FBXO6: variants seen among roughly 807,000 people sequenced by gnomAD.
FBXO6 encodes F-box only protein 6.
A neutral mutation model predicts 25.0 loss-of-function variants in FBXO6; 13 were observed. The ratio of observed to expected loss-of-function variants is 0.52; its 90% CI spans 0.34 to 0.83. The LOEUF (loss-of-function observed/expected upper bound fraction) is 0.83, where lower values mean the gene tolerates loss of function less well. Among genes scored for constraint, FBXO6 ranks in the 40% least tolerant of loss-of-function variants. The pLI is 0.02. For synonymous variants in FBXO6, 138 were observed against 155.3 expected (o/e 0.89, Z 0.83); for missense variants, 370 against 380.2 (o/e 0.97, Z 0.22).
At position 11,671,918 on chromosome 1, in the gene FBXO6, T is replaced by G; in HGVS notation, c.414-10T>G. ...ACCCAGGTATGCAAGCCCCCAACTC[T>G]GCTCCCCAGAATGTGCCTCAAGTCC... On this transcript the variant is annotated splice_polypyrimidine_tract_variant and intron_variant, in intron 3 of 5. Transcript: ENST00000376753. The G allele has an allele frequency of 1.9e-6, 3 of 1,613,388 alleles. No individual in the cohort carries two copies. Among genetic ancestry groups the G allele is most frequent in the Non-Finnish European group, 2.5e-6 (3 of 1,179,334 alleles).
chr1:11,671,478 AG>A, intron 3 of FBXO6, 86 bp downstream of exon 3: 4 of 1,558,626 alleles, frequency 2.6e-6, no homozygotes, highest in East Asian at 4.6e-5. Flanking sequence ...AGTCTTCCTA[AG>A]GGAAGTCCTC....
At chr1:11,669,497 T>G (rs1640544964) in intron 2 of FBXO6, among the ~76,000 whole-genome samples, 1 of 148,270 alleles carries the variant, frequency 6.7e-6, no homozygotes, top group African/African-American at 2.5e-5. Flanking sequence ...TTTTTCAGAA[T>G]TTCCTTATTT....
At chr1:11,669,075 T>C in intron 2 of FBXO6, 131 bp downstream of exon 2, 1 of 1,232,412 alleles carries the variant, frequency 8.1e-7, no homozygotes, top group Non-Finnish European at 1.1e-6. Context: ...CCTTGGTTCC[T>C]TCTCATTCTT....
intron 2 of FBXO6, among the ~76,000 whole-genome samples, chr1:11,669,779 G>A (rs761353276): frequency 6.8e-6 from 1 of 147,144 alleles, no homozygotes; most frequent in East Asian, 2.1e-4. Context: ...TGGGATTACA[G>A]GCGCCCACCA....
intron 2 of FBXO6, 105 bp downstream of exon 2, chr1:11,669,049 A>C: frequency 2.2e-6 from 3 of 1,369,584 alleles, no homozygotes; most frequent in Non-Finnish European, 3.0e-6. Context: ...TCTAACCCTA[A>C]ACACCCACCT....
intron 1 of FBXO6, among the ~76,000 whole-genome samples, chr1:11,667,949 G>A (rs7417966): frequency 3.0e-3 from 459 of 152,192 alleles, no homozygotes; most frequent in African/African-American, 0.011. Flanking sequence ...AAAATTAGCT[G>A]GGTATGGTGG....
rs754420841 is a variant in FBXO6, at chr1:11,668,802, C to T, written c.144C>T (p.Ile48=). The change falls in exon 2 of 6, where the codon ATC becomes ATT. Residue 48 remains isoleucine, a synonymous_variant. Coordinates refer to ENST00000376753, the MANE Select transcript of FBXO6 (RefSeq NM_018438.6). ...TCTGCAGCCTCTGGCGGGACCTCAT[C>T]GACCTCATGACCCTCTGGAAACGCA... ...RLVCSLWRDL[I]DLMTLWKRKC... The T allele has an allele frequency of 1.9e-5, 31 of 1,614,028 alleles. No individual in the cohort carries two copies. The highest frequency in any genetic ancestry group is 2.4e-5 in the Non-Finnish European group (28 of 1,180,046).
In FBXO6 at chr1:11,674,026, C is replaced by T. The variant is rs987588651; in HGVS notation, c.*175C>T. ...TTTGTTGTAATAAATGTTTTCAGGC[C>T]GGGCACTGTGGCTCACGCCTGTAAT... is the stretch of plus-strand genomic sequence containing the variant. On this transcript the variant is annotated 3_prime_UTR_variant, in exon 6 of 6. Transcript: ENST00000376753. This position sits in a 1 kb window ranked among gnomAD's most constrained non-coding sequence, Gnocchi z 6.1. 1.4e-5 allele frequency: 9 copies of T among 622,644 alleles called. No individual in the cohort carries two copies. The highest frequency in any genetic ancestry group is 3.8e-5 in the South Asian group (2 of 52,748). 38.6% of individuals were successfully genotyped at this position (622,644 alleles called of 1,614,324 possible). A position where few individuals can be genotyped will look rare whatever the true frequency, so the allele number is the denominator to read the frequency against.
chr1:11,668,811 G>A lies in FBXO6; in HGVS notation c.153G>A (p.Met51Ile), dbSNP rs1557672103. ...CSLWRDLIDL[M>I]TLWKRKCLRE... ...TCTGGCGGGACCTCATCGACCTCATGACCCTCTGGAAACGCAAGTGCCTGC... is the reference window on the plus strand; with the variant it reads ...TCTGGCGGGACCTCATCGACCTCATAACCCTCTGGAAACGCAAGTGCCTGC... Residue 51 changes from methionine to isoleucine, a missense_variant, in exon 2 of 6, where the codon ATG becomes ATA. By Grantham distance (10) the Met-to-Ile change is conservative. Transcript: ENST00000376753. The A allele has an allele frequency of 1.9e-6, 3 of 1,614,136 alleles. No individual in the cohort carries two copies. Among genetic ancestry groups the A allele is most frequent in the Middle Eastern group, 1.6e-4 (1 of 6,062 alleles).
chr1:11,670,800 AT>A (rs1351572493), intron 2 of FBXO6, among the ~76,000 whole-genome samples: 1 of 152,000 alleles, frequency 6.6e-6, no homozygotes, highest in Non-Finnish European at 1.5e-5. Flanking sequence ...GCCTCTCGTA[AT>A]TTTTTGAGAA....
chr1:11,673,448 C>A lies in FBXO6; in HGVS notation c.645+36C>A, dbSNP rs1485116134. On this transcript the variant is annotated intron_variant, in intron 5 of 5. Transcript: ENST00000376753. The surrounding 1 kb of genome is among the most constrained non-coding windows in gnomAD (Gnocchi z 4.3). The stretch of plus-strand genomic sequence containing the variant: ...ACCCACTTGCTCTCTCTACCCACTC[C>A]TCCCAGGGCCAGGATGGCAGGAAGC... 1 of 1,606,516 alleles carries A rather than the reference C, an allele frequency of 6.2e-7. No individual in the cohort carries two copies. The highest frequency in any genetic ancestry group is 8.5e-7 in the Non-Finnish European group (1 of 1,175,142).
In FBXO6 at chr1:11,673,450, C is replaced by T; in HGVS notation, c.645+38C>T. The T allele has an allele frequency of 6.2e-7, 1 of 1,606,562 alleles. No homozygotes were observed. Among genetic ancestry groups the T allele is most frequent in the Middle Eastern group, 1.7e-4 (1 of 6,032 alleles). ...CCACTTGCTCTCTCTACCCACTCCTCCCAGGGCCAGGATGGCAGGAAGCAA... is the reference window on the plus strand; with the variant it reads ...CCACTTGCTCTCTCTACCCACTCCTTCCAGGGCCAGGATGGCAGGAAGCAA... On this transcript the variant is annotated intron_variant, in intron 5 of 5. Coordinates refer to ENST00000376753, the MANE Select transcript of FBXO6 (RefSeq NM_018438.6). The surrounding 1 kb of genome is among the most constrained non-coding windows in gnomAD (Gnocchi z 4.3).
chr1:11,669,781 C>T (rs112798858), intron 2 of FBXO6, among the ~76,000 whole-genome samples: 9,661 of 149,172 alleles, frequency 0.065, 1,051 homozygotes, highest in African/African-American at 0.22. Flanking sequence ...GGATTACAGG[C>T]GCCCACCACC....
chr1:11,673,150 T>C lies in FBXO6; in HGVS notation c.510-127T>C. 1 of 1,216,742 alleles carries C rather than the reference T, an allele frequency of 8.2e-7. No homozygotes were observed. The highest frequency in any genetic ancestry group is 1.1e-6 in the Non-Finnish European group (1 of 895,752). 75.4% of individuals were successfully genotyped at this position (1,216,742 alleles called of 1,614,324 possible). ...GGGAGCGCTGAAGCCAGCTGGGCCT[T>C]GCAGGCAGAGCAGTGTCAGCTGATG... On this transcript the variant is annotated intron_variant, in intron 4 of 5. Coordinates refer to ENST00000376753, the MANE Select transcript of FBXO6 (RefSeq NM_018438.6). The surrounding 1 kb of genome is among the most constrained non-coding windows in gnomAD (Gnocchi z 4.3).
At position 11,673,542 on chromosome 1, in the gene FBXO6, C is replaced by A. The variant is rs1570280732; in HGVS notation, c.646-73C>A. On this transcript the variant is annotated intron_variant, in intron 5 of 5. Coordinates refer to ENST00000376753, the MANE Select transcript of FBXO6 (RefSeq NM_018438.6). The surrounding 1 kb of genome is among the most constrained non-coding windows in gnomAD (Gnocchi z 4.3). ...CTGTTGCCTTCCAGCCTGGGCAGCT[C>A]TCTTAGAGGACCTGGCTCCTGCCTT... 12 of 1,573,212 alleles carry A rather than the reference C, an allele frequency of 7.6e-6. No individual in the cohort carries two copies. The South Asian group carries it at 1.3e-4, about 17-fold the overall frequency.
At chr1:11,671,839 TG>T in intron 3 of FBXO6, 88 bp from the exon 4 acceptor site, 1 of 1,211,942 alleles carries the variant, frequency 8.3e-7, no homozygotes, top group Non-Finnish European at 1.2e-6. Context: ...ACCACCTCCC[TG>T]GGCTCACAGG....
intron 2 of FBXO6, among the ~76,000 whole-genome samples, chr1:11,669,593 C>T (rs1009060600): frequency 1.3e-5 from 2 of 150,968 alleles, no homozygotes; most frequent in African/African-American, 2.4e-5. Flanking sequence ...TTCACATATA[C>T]ACACACACAC....
At position 11,668,730 on chromosome 1, in the gene FBXO6, G is replaced by C. The variant is rs1392556991; in HGVS notation, c.72G>C (p.Leu24=). ...TGCCCGAGAACATCCTGCTGGAGCT[G>C]TTCACGCACGTGCCCGCCCGCCAGC... ...NELPENILLE[L]FTHVPARQLL... The change falls in exon 2 of 6, where the codon CTG becomes CTC. Residue 24 remains leucine, a synonymous_variant. Coordinates refer to ENST00000376753, the MANE Select transcript of FBXO6 (RefSeq NM_018438.6). 6.2e-7 allele frequency: 1 copy of C among 1,614,094 alleles called. No individual in the cohort carries two copies. The highest frequency in any genetic ancestry group is 8.5e-7 in the Non-Finnish European group (1 of 1,180,034).
At chr1:11,665,109 A>T (rs929894342) in intron 1 of FBXO6, among the ~76,000 whole-genome samples, 1 of 151,072 alleles carries the variant, frequency 6.6e-6, no homozygotes, top group African/African-American at 2.4e-5. Context: ...CAGTGGCATG[A>T]TCACGGCTCA....
Sources: gnomAD v4.1 joint callset for allele counts (sites outside exome capture counted in the v4.1 genomes callset) on GRCh38, gnomAD v4.1.1 for gene constraint, Gnocchi (gnomAD v3.1) non-coding constraint, MANE v1.5 for transcripts, NCBI Gene and HGNC (gene_info 2026-07-23, HGNC 2026-07-21) for gene names.